Variants in ST6GALNAC5 observed in about 807,000 individuals in gnomAD.
ST6GALNAC5 encodes ST6 N-acetylgalactosaminide alpha-2,6-sialyltransferase 5.
ST6GALNAC5 carries 27 observed loss-of-function variants against 33.6 expected under a neutral mutation model. The ratio of observed to expected loss-of-function variants is 0.80; its 90% CI spans 0.59 to 1.11. The LOEUF is 1.11. Among genes scored for constraint, ST6GALNAC5 ranks in the 50% least tolerant of loss-of-function variants. The pLI is 0.00. For synonymous variants in ST6GALNAC5, 194 were observed against 171.2 expected, an observed-to-expected ratio of 1.13 and a Z score of -1.04; for missense variants, 428 against 454.0, an observed-to-expected ratio of 0.94 and a Z score of 0.52.
At chr1:76,913,876 T>A (rs996845089) in intron 2 of ST6GALNAC5, among the ~76,000 whole-genome samples, 1 of 152,118 alleles carries the variant, frequency 6.6e-6, no homozygotes, top group Non-Finnish European at 1.5e-5. Flanking sequence ...CAAAGGGTAT[T>A]CAATTAGGAA....
intron 2 of ST6GALNAC5, among the ~76,000 whole-genome samples, chr1:76,932,943 C>T (rs1647159495): frequency 6.6e-6 from 1 of 152,096 alleles, no homozygotes; most frequent in African/African-American, 2.4e-5. Flanking sequence ...CTTTCTTCTT[C>T]CTGTTGGAAA....
chr1:76,914,954 C>T (rs1371239795), intron 2 of ST6GALNAC5, among the ~76,000 whole-genome samples: 1 of 150,934 alleles, frequency 6.6e-6, no homozygotes, highest in African/African-American at 2.4e-5. Context: ...TGACAAAGGG[C>T]TAATATCCAG....
chr1:76,869,012 C>A (rs1557703677), intron 2 of ST6GALNAC5: 1 of 410,188 alleles, frequency 2.4e-6, no homozygotes, highest in South Asian at 6.9e-5. Context: ...AACTAGAACT[C>A]CCTGATCCCC....
Position 76,935,508 on chromosome 1 carries a change from G to A in ST6GALNAC5, c.261+66766G>A, listed in dbSNP as rs1279532068. Reference sequence around the variant, plus strand: ...ATCAAATAAATATGTATATGTAAAGGTGCAGATTACAAGTTAATTCTACTA... The same window carrying A: ...ATCAAATAAATATGTATATGTAAAGATGCAGATTACAAGTTAATTCTACTA... On this transcript the variant is annotated intron_variant, in intron 2 of 4. Coordinates refer to ENST00000477717, the MANE Select transcript of ST6GALNAC5 (RefSeq NM_030965.3). Among the ~76,000 whole-genome samples the A allele has an allele frequency of 3.3e-5, 5 of 152,130 alleles. No homozygotes were observed. The East Asian group carries it at 9.7e-4, about 29-fold the overall frequency.
Position 76,868,482 on chromosome 1 carries a change from C to G in ST6GALNAC5, c.16-15C>G. 5 of 1,596,088 alleles carry G rather than the reference C, an allele frequency of 3.1e-6. No individual in the cohort carries two copies. Among genetic ancestry groups the G allele is most frequent in the Non-Finnish European group, 4.3e-6 (5 of 1,168,806 alleles). ...GCTCAGCCGCTCTCCTCTTCTCTCT[C>G]CCGCCCGCCCGCAGCGCCATGGTCT... On this transcript the variant is annotated splice_polypyrimidine_tract_variant and intron_variant, in intron 1 of 4. Coordinates refer to ENST00000477717, the MANE Select transcript of ST6GALNAC5 (RefSeq NM_030965.3). This position sits in a 1 kb window ranked among gnomAD's most constrained non-coding sequence, Gnocchi z 4.3.
intron 2 of ST6GALNAC5, among the ~76,000 whole-genome samples, chr1:77,014,075 C>A (rs565076193): frequency 6.6e-6 from 1 of 152,316 alleles, no homozygotes; most frequent in Non-Finnish European, 1.5e-5. Context: ...TTTGCACTTA[C>A]AGAGGGAATC....
At chr1:77,053,707 G>GTCA (rs1368102413) in intron 4 of ST6GALNAC5, among the ~76,000 whole-genome samples, 2 of 152,186 alleles carry the variant, frequency 1.3e-5, no homozygotes, top group Non-Finnish European at 2.9e-5. Flanking sequence ...ATTGCATGAA[G>GTCA]TCATAGATGA....
chr1:76,960,881 C>T (rs1331340005), intron 2 of ST6GALNAC5, among the ~76,000 whole-genome samples: 2 of 152,100 alleles, frequency 1.3e-5, no homozygotes, highest in Non-Finnish European at 2.9e-5. Context: ...TGTTCAAACA[C>T]GCATGCTCTA....
rs1651926425 is a variant in ST6GALNAC5 at position 77,044,224 on chromosome 1, G to A, written c.282G>A (p.Arg94=). The A allele has an allele frequency of 6.2e-6, 10 of 1,609,638 alleles. No individual in the cohort carries two copies. Among genetic ancestry groups the A allele is most frequent in the South Asian group, 1.1e-5 (1 of 90,536 alleles). ...ADHKPLKMHC[R]DCALVTSSGH... ...TCCAGCCCCTGAAAATGCACTGCAG[G>A]GACTGTGCCCTGGTGACCAGCTCAG... The change falls in exon 3 of 5, where the codon AGG becomes AGA. Residue 94 remains arginine (R), a synonymous_variant. Coordinates refer to ENST00000477717, the MANE Select transcript of ST6GALNAC5 (RefSeq NM_030965.3).
intron 2 of ST6GALNAC5, among the ~76,000 whole-genome samples, chr1:77,001,693 G>A (rs1168710563): frequency 6.6e-6 from 1 of 151,542 alleles, no homozygotes; most frequent in Admixed American, 6.6e-5. Flanking sequence ...AGAGTTTTTA[G>A]CATGAAGGGT....
At chr1:77,034,623 G>A (rs1269316777) in intron 2 of ST6GALNAC5, among the ~76,000 whole-genome samples, 1 of 152,094 alleles carries the variant, frequency 6.6e-6, no homozygotes, top group Non-Finnish European at 1.5e-5. Context: ...ATGCACAAAG[G>A]CATTCAGCAT....
At chr1:76,957,266 G>A (rs1307009658) in intron 2 of ST6GALNAC5, among the ~76,000 whole-genome samples, 1 of 152,120 alleles carries the variant, frequency 6.6e-6, no homozygotes, top group Non-Finnish European at 1.5e-5. Context: ...ACCTTCTGGT[G>A]ATTGCCGACA....
At chr1:77,055,809 A>G (rs1412164813) in intron 4 of ST6GALNAC5, among the ~76,000 whole-genome samples, 1 of 152,218 alleles carries the variant, frequency 6.6e-6, no homozygotes, top group Non-Finnish European at 1.5e-5. Flanking sequence ...GCCCTGTCTC[A>G]ATCCACATTT....
At chr1:76,983,402 C>A (rs1455174515) in intron 2 of ST6GALNAC5, among the ~76,000 whole-genome samples, 1 of 152,026 alleles carries the variant, frequency 6.6e-6, no homozygotes, top group Non-Finnish European at 1.5e-5. Flanking sequence ...CAACAAAGAT[C>A]AAAGGAGACA....
chr1:76,875,224 A>G (rs1269635191), intron 2 of ST6GALNAC5, among the ~76,000 whole-genome samples: 1 of 152,184 alleles, frequency 6.6e-6, no homozygotes, highest in Non-Finnish European at 1.5e-5. Context: ...GCCTTCAGCA[A>G]GCACCTCAGC....
intron 2 of ST6GALNAC5, among the ~76,000 whole-genome samples, chr1:76,947,238 A>AC (rs756359143): frequency 2.6e-5 from 4 of 152,138 alleles, no homozygotes; most frequent in African/African-American, 4.8e-5. Context: ...TGAGCTTTTT[A>AC]CCCCACTAAC....
At chr1:77,044,176 A>T in intron 2 of ST6GALNAC5, 28 bp from the exon 3 acceptor site, 4 of 1,570,228 alleles carry the variant, frequency 2.5e-6, no homozygotes, top group Non-Finnish European at 3.5e-6. Context: ...TTTGCCCCTG[A>T]CAGTGTCCTT....
In ST6GALNAC5 at chr1:76,868,979, T is replaced by G; in HGVS notation, c.261+237T>G. The G allele has an allele frequency of 1.8e-6, 1 of 566,268 alleles. No individual in the cohort carries two copies. Among genetic ancestry groups the G allele is most frequent in the Non-Finnish European group, 2.8e-6 (1 of 362,574 alleles). 35.1% of individuals were successfully genotyped at this position (566,268 alleles called of 1,614,324 possible). A position where few individuals can be genotyped will look rare whatever the true frequency, so the allele number is the denominator to read the frequency against. On this transcript the variant is annotated intron_variant, in intron 2 of 4. Transcript: ENST00000477717. The surrounding 1 kb of genome is among the most constrained non-coding windows in gnomAD (Gnocchi z 4.3). Reference sequence around the variant, plus strand: ...AGGTGCGTGGACCCCAAAGCCTAATTTCCCAGCAGAAATCGGCCCTGGAAC... The same window carrying G: ...AGGTGCGTGGACCCCAAAGCCTAATGTCCCAGCAGAAATCGGCCCTGGAAC...
chr1:76,875,989 C>A (rs1441543338), intron 2 of ST6GALNAC5, among the ~76,000 whole-genome samples: 1 of 152,170 alleles, frequency 6.6e-6, no homozygotes, highest in African/African-American at 2.4e-5. Flanking sequence ...AGCTGTAAAG[C>A]AAGTGCCTTG....
Sources: gnomAD v4.1 joint callset for allele counts (sites outside exome capture counted in the v4.1 genomes callset) on GRCh38, gnomAD v4.1.1 for gene constraint, Gnocchi (gnomAD v3.1) non-coding constraint, MANE v1.5 for transcripts, NCBI Gene and HGNC (gene_info 2026-07-23, HGNC 2026-07-21) for gene names.